The following RAB22A variants were observed in gnomAD, a reference collection of about 807,000 sequenced individuals.
RAB22A encodes the protein ras-related protein Rab-22A.
In RAB22A, 13 loss-of-function variants were observed where a neutral mutation model predicts 30.2. That is an observed-to-expected ratio of 0.43 (90% CI 0.28 to 0.68). The LOEUF is 0.68. RAB22A is among the 30% of genes least tolerant of loss of function. The pLI, the probability that RAB22A is intolerant of heterozygous loss-of-function variation, is 0.18. For missense variants in RAB22A, 177 were observed against 246.8 expected (o/e 0.72, Z 1.89); for synonymous variants, 89 against 87.2 (o/e 1.02, Z -0.11).
chr20:58,339,861 C>T (rs942134931), intron 2 of RAB22A, among the ~76,000 whole-genome samples: 4 of 152,068 alleles, frequency 2.6e-5, no homozygotes, highest in African/African-American at 9.7e-5. Flanking sequence ...AAGACCTGAC[C>T]GTAGGAAGGA....
At position 58,357,812 on chromosome 20, in the gene RAB22A, C is replaced by T. The variant is rs536069022; in HGVS notation, c.488-1794C>T. Among the ~76,000 whole-genome samples the T allele has an allele frequency of 7.2e-5, 11 of 152,258 alleles. 1 individual carries two copies. The highest frequency in any genetic ancestry group is 6.2e-4 in the South Asian group (3 of 4,824). ...ATGCTGTGTACTCCCCACACAGATC[C>T]GCAGACAACTCAAAGTGGTGGAGGC... On this transcript the variant is annotated intron_variant, in intron 6 of 6. Transcript: ENST00000244040.
In RAB22A at chr20:58,311,102, A is replaced by G; in HGVS notation, c.96A>G (p.Pro32=). 6.3e-7 allele frequency: 1 copy of G among 1,597,748 alleles called. No homozygotes were observed. Among genetic ancestry groups the G allele is most frequent in the Non-Finnish European group, 8.6e-7 (1 of 1,165,050 alleles). ...GGTTTGTGGAAGACAGTTTTGATCCAAACATCAACCCAACAATAGGGTAAG... is the reference window on the plus strand; with the variant it reads ...GGTTTGTGGAAGACAGTTTTGATCCGAACATCAACCCAACAATAGGGTAAG... ...VWRFVEDSFD[P]NINPTIGASF... Residue 32 remains proline, a synonymous_variant, in exon 2 of 7, where the codon CCA becomes CCG. Coordinates refer to ENST00000244040, the MANE Select transcript of RAB22A (RefSeq NM_020673.3).
At chr20:58,310,111 C>G in intron 1 of RAB22A, 99 bp downstream of exon 1, 1 of 1,144,948 alleles carries the variant, frequency 8.7e-7, no homozygotes, top group East Asian at 3.3e-5. Flanking sequence ...CCTCCCACGT[C>G]CAAGACGCTG....
At chr20:58,310,197 G>A (rs1454885430) in intron 1 of RAB22A, among the ~76,000 whole-genome samples, 185 bp downstream of exon 1, 1 of 152,038 alleles carries the variant, frequency 6.6e-6, no homozygotes, top group East Asian at 1.9e-4. Flanking sequence ...AAAGGTCCTG[G>A]AGGCCGAAGG....
chr20:58,349,776 C>T (rs1373218146), intron 3 of RAB22A, among the ~76,000 whole-genome samples: 3 of 152,174 alleles, frequency 2.0e-5, no homozygotes, highest in African/African-American at 7.2e-5. Flanking sequence ...ACTTAATACT[C>T]TTCAGAGAAG....
chr20:58,339,968 C>T (rs1436541701), intron 2 of RAB22A, among the ~76,000 whole-genome samples: 1 of 152,186 alleles, frequency 6.6e-6, no homozygotes, highest in Non-Finnish European at 1.5e-5. Context: ...ATGTCTCACC[C>T]TGAATCCAGG....
At position 58,365,861 on chromosome 20, in the gene RAB22A, C is replaced by T. The variant is rs1987305164; in HGVS notation, c.*6158C>T. ...TGTATTTTTAGTAGAGACAGGGTTT[C>T]ACCGTGTTGATCAGGCTGGTCTCGA... is the stretch of plus-strand genomic sequence containing the variant. On this transcript the variant is annotated 3_prime_UTR_variant, in exon 7 of 7. Coordinates refer to ENST00000244040, the MANE Select transcript of RAB22A (RefSeq NM_020673.3). 1 of 152,194 alleles carries T rather than the reference C, an allele frequency of 6.6e-6. No homozygotes were observed. The allele number at this position is 152,194 out of a possible 1,614,324, so 9.4% of individuals were successfully genotyped here.
At chr20:58,338,498 C>T (rs572115033) in intron 2 of RAB22A, among the ~76,000 whole-genome samples, 8 of 152,284 alleles carry the variant, frequency 5.3e-5, no homozygotes, top group Non-Finnish European at 1.2e-4. Context: ...GGAGAGATTA[C>T]TATGCAGAGT....
chr20:58,346,228 C>T (rs1320789619), intron 3 of RAB22A, among the ~76,000 whole-genome samples: 2 of 152,242 alleles, frequency 1.3e-5, no homozygotes, highest in Non-Finnish European at 2.9e-5. Flanking sequence ...TTCCCTCTGT[C>T]CATGACATGT....
In RAB22A at chr20:58,343,737, A is replaced by G. The variant is rs1240760880; in HGVS notation, c.136A>G (p.Thr46Ala). 3 of 1,610,474 alleles carry G rather than the reference A, an allele frequency of 1.9e-6. No homozygotes were observed. The highest frequency in any genetic ancestry group is 1.7e-6 in the Non-Finnish European group (2 of 1,176,686). ...TTATAGGGCATCTTTTATGACCAAG[A>G]CTGTCCAGTACCAAAATGAGCTACA... ...PTIGASFMTKTVQYQNELHKF... is the reference protein window; with the variant it reads ...PTIGASFMTKAVQYQNELHKF... The change falls in exon 3 of 7, where the codon ACT becomes GCT. Residue 46 changes from threonine to alanine, a missense_variant. Coordinates refer to ENST00000244040, the MANE Select transcript of RAB22A (RefSeq NM_020673.3).
intron 2 of RAB22A, among the ~76,000 whole-genome samples, chr20:58,333,850 C>T (rs1357837967): frequency 2.6e-5 from 4 of 152,084 alleles, no homozygotes; most frequent in Non-Finnish European, 4.4e-5. Flanking sequence ...GGAGGCCAGA[C>T]GTTCAAGACC....
intron 5 of RAB22A, among the ~76,000 whole-genome samples, chr20:58,353,878 T>G (rs111761607): frequency 0.026 from 3,968 of 152,246 alleles, 60 homozygotes; most frequent in African/African-American, 0.047. Context: ...CTTCCATCAT[T>G]CCCAAAGCAA....
rs1296346792 is a variant in RAB22A, at chr20:58,364,116, T to C, written c.*4413T>C. The C allele has an allele frequency of 6.6e-6, 1 of 152,648 alleles. No homozygotes were observed. Among genetic ancestry groups the C allele is most frequent in the Non-Finnish European group, 1.5e-5 (1 of 68,028 alleles). 9.5% of individuals were successfully genotyped at this position (152,648 alleles called of 1,614,324 possible). On this transcript the variant is annotated 3_prime_UTR_variant, in exon 7 of 7. Transcript: ENST00000244040. ...AAAATATGAGGAAGATATTACATTT[T>C]TCAGGAGCCTCCATTTTTTCAGTCT...
intron 6 of RAB22A, among the ~76,000 whole-genome samples, chr20:58,355,818 C>T (rs6026211): frequency 0.058 from 8,751 of 152,146 alleles, 285 homozygotes; most frequent in Middle Eastern, 0.099. Context: ...GAGCAAAACC[C>T]TGTCTCTTAA....
chr20:58,316,147 G>A (rs1038018004), intron 2 of RAB22A, among the ~76,000 whole-genome samples: 1 of 152,132 alleles, frequency 6.6e-6, no homozygotes, highest in Non-Finnish European at 1.5e-5. Flanking sequence ...GGCTCTAAAA[G>A]TTGCAGACTC....
intron 2 of RAB22A, among the ~76,000 whole-genome samples, chr20:58,321,564 AT>A (rs1986461217): frequency 6.6e-6 from 1 of 152,274 alleles, no homozygotes; most frequent in African/African-American, 2.4e-5. Context: ...CACTGCTCCT[AT>A]CTCCAGTGTT....
intron 2 of RAB22A, among the ~76,000 whole-genome samples, chr20:58,315,554 G>T (rs1392635376): frequency 1.7e-5 from 1 of 59,466 alleles, no homozygotes; most frequent in Non-Finnish European, 3.1e-5. Context: ...TCTTGTGGAG[G>T]TTGGGGCGGG....
intron 6 of RAB22A, 84 bp downstream of exon 6, chr20:58,354,349 C>T: frequency 1.1e-6 from 1 of 915,462 alleles, no homozygotes; most frequent in South Asian, 1.6e-5. Context: ...TCCTGTCTTA[C>T]TTAGAGCAGT....
intron 2 of RAB22A, among the ~76,000 whole-genome samples, chr20:58,327,035 A>G (rs1428686534): frequency 6.6e-6 from 1 of 152,214 alleles, no homozygotes; most frequent in East Asian, 1.9e-4. Flanking sequence ...GGCCGGGCAC[A>G]GTCGCTTATA....
Sources: allele counts gnomAD v4.1 joint callset (sites outside exome capture counted in the v4.1 genomes callset), GRCh38; gene constraint gnomAD v4.1.1; transcripts MANE v1.5; gene names NCBI Gene and HGNC (gene_info 2026-07-23, HGNC 2026-07-21).